The following SORCS3 variants were observed in gnomAD, a reference collection of about 807,000 sequenced individuals.
SORCS3 encodes sortilin related VPS10 domain containing receptor 3.
SORCS3 carries 57 observed loss-of-function variants against 146.3 expected under a neutral mutation model. The ratio of observed to expected loss-of-function variants is 0.39; its 90% CI spans 0.31 to 0.49. SORCS3 has a LOEUF of 0.49. Among genes scored for constraint, SORCS3 ranks in the 20% least tolerant of loss-of-function variants. The pLI is 0.92. For synonymous variants in SORCS3, 653 were observed against 618.5 expected, an observed-to-expected ratio of 1.06 and a Z score of -0.83; for missense variants, 1,341 against 1,575.5, an observed-to-expected ratio of 0.85 and a Z score of 2.52.
chr10:105,241,903 T>A (rs981219520), intron 20 of SORCS3, among the ~76,000 whole-genome samples: 5 of 151,964 alleles, frequency 3.3e-5, no homozygotes, highest in African/African-American at 1.2e-4. Context: ...TAGGAAAGGG[T>A]AGGTATATGT....
At chr10:105,104,713 T>C (rs910186522) in intron 6 of SORCS3, among the ~76,000 whole-genome samples, 1 of 152,248 alleles carries the variant, frequency 6.6e-6, no homozygotes, top group Non-Finnish European at 1.5e-5. Flanking sequence ...AATTTTCATA[T>C]GTATCCTTTA....
chr10:105,051,769 T>C (rs2055415096), intron 5 of SORCS3, among the ~76,000 whole-genome samples: 2 of 152,198 alleles, frequency 1.3e-5, no homozygotes, highest in African/African-American at 2.4e-5. Context: ...TTTAAGGCTA[T>C]TGCAAACCAG....
intron 5 of SORCS3, among the ~76,000 whole-genome samples, chr10:105,045,710 C>A (rs997540018): frequency 6.6e-6 from 1 of 152,124 alleles, no homozygotes. Context: ...CCTCTTTAAC[C>A]TATGGTTCCC....
intron 4 of SORCS3, among the ~76,000 whole-genome samples, chr10:104,987,992 G>A (rs541570982): frequency 1.3e-5 from 2 of 152,260 alleles, no homozygotes; most frequent in South Asian, 4.1e-4. Flanking sequence ...AGAGATACAT[G>A]TCCTGAAGTA....
intron 20 of SORCS3, among the ~76,000 whole-genome samples, chr10:105,237,017 A>G (rs1035283149): frequency 4.6e-5 from 7 of 152,278 alleles, no homozygotes; most frequent in South Asian, 2.1e-4. Flanking sequence ...TACTGGCATT[A>G]TAATTTTATG....
chr10:105,143,882 T>C (rs1286498804), intron 8 of SORCS3, among the ~76,000 whole-genome samples: 3 of 152,128 alleles, frequency 2.0e-5, no homozygotes, highest in Non-Finnish European at 4.4e-5. Context: ...ACCGGCTTCC[T>C]TGGTTCAGGC....
intron 1 of SORCS3, among the ~76,000 whole-genome samples, chr10:104,794,217 C>A (rs2017525806): frequency 6.6e-6 from 1 of 152,074 alleles, no homozygotes; most frequent in African/African-American, 2.4e-5. Context: ...GACTCTATAC[C>A]CGTATTTTTG....
intron 11 of SORCS3, among the ~76,000 whole-genome samples, chr10:105,163,193 T>C (rs958349871): frequency 2.0e-5 from 3 of 152,182 alleles, no homozygotes; most frequent in African/African-American, 7.2e-5. Context: ...CTGATGCTGA[T>C]GGAAGCTTGA....
chr10:104,867,782 A>G (rs1460484374), intron 2 of SORCS3, among the ~76,000 whole-genome samples: 2 of 152,216 alleles, frequency 1.3e-5, no homozygotes, highest in Non-Finnish European at 2.9e-5. Context: ...AAAGGCATGC[A>G]TGATCATCAG....
Position 104,831,930 on chromosome 10 carries a change from CTG to C in SORCS3, c.628-10858_628-10857del, listed in dbSNP as rs751713991. ...ACACATTCTGAGCCTTCTCTCATCTCTGTGTATGTGCACATAAAGCAGGCAAG... is the reference window on the plus strand; with the variant it reads ...ACACATTCTGAGCCTTCTCTCATCTCTGTATGTGCACATAAAGCAGGCAAG... On this transcript the variant is annotated intron_variant, in intron 1 of 26. Coordinates refer to ENST00000369701, the MANE Select transcript of SORCS3 (RefSeq NM_014978.3). Among the ~76,000 whole-genome samples, 23 of 152,298 alleles carry C rather than the reference CTG, an allele frequency of 1.5e-4. No homozygotes were observed. In the East Asian group the frequency reaches 3.7e-3, roughly 24 times the overall value.
At chr10:104,794,622 G>GGAGA (rs371695559) in intron 1 of SORCS3, among the ~76,000 whole-genome samples, 603 of 41,310 alleles carry the variant, frequency 0.015, 4 homozygotes, top group South Asian at 0.064. Flanking sequence ...AGAGAGGGAG[G>GGAGA]GAGAGAGAGA....
chr10:105,075,374 T>C (rs1368087686), intron 5 of SORCS3, among the ~76,000 whole-genome samples: 1 of 152,166 alleles, frequency 6.6e-6, no homozygotes, highest in East Asian at 1.9e-4. Flanking sequence ...CATTAGATAA[T>C]GTGAACATGC....
chr10:104,641,560 C>A lies in SORCS3; in HGVS notation c.233C>A (p.Ala78Asp), dbSNP rs1292102560. ...GAGGAGCTGGCGTCGGCGCGGAGAGCCGCCGTGCTGGGGCGCCGGGCCGGA... is the reference window on the plus strand; with the variant it reads ...GAGGAGCTGGCGTCGGCGCGGAGAGACGCCGTGCTGGGGCGCCGGGCCGGA... ...WPEELASARR[A>D]AVLGRRAGPE... The change falls in exon 1 of 27, where the codon GCC becomes GAC. Residue 78 changes from alanine (A) to aspartate (D), a missense_variant. Physicochemically the swap from Ala to Asp is moderately radical, Grantham distance 126. Transcript: ENST00000369701. This position sits in a 1 kb window ranked among gnomAD's most constrained non-coding sequence, Gnocchi z 6.4. The A allele has an allele frequency of 4.1e-6, 6 of 1,468,730 alleles. No homozygotes were observed. The highest frequency in any genetic ancestry group is 5.4e-6 in the Non-Finnish European group (6 of 1,120,434). 91.0% of individuals were successfully genotyped at this position (1,468,730 alleles called of 1,614,324 possible). A position where few individuals can be genotyped will look rare whatever the true frequency, so the allele number is the denominator to read the frequency against.
At position 104,844,219 on chromosome 10, in the gene SORCS3, A is replaced by C. The variant is rs192519392; in HGVS notation, c.695+1360A>C. On this transcript the variant is annotated intron_variant, in intron 2 of 26. Coordinates refer to ENST00000369701, the MANE Select transcript of SORCS3 (RefSeq NM_014978.3). ...GCCTCGAACAAATGAAAGCATGACT[A>C]TTTCCACTCACACGGTACTTTCCAG... Among the ~76,000 whole-genome samples the C allele has an allele frequency of 1.4e-4, 22 of 152,254 alleles. No homozygotes were observed. The East Asian group carries it at 1.7e-3, about 12-fold the overall frequency.
At chr10:105,043,524 T>C (rs2055351283) in intron 5 of SORCS3, among the ~76,000 whole-genome samples, 1 of 152,312 alleles carries the variant, frequency 6.6e-6, no homozygotes, top group Admixed American at 6.5e-5. Flanking sequence ...TTTCCCAAAA[T>C]GTACTCTGGA....
intron 4 of SORCS3, among the ~76,000 whole-genome samples, chr10:105,014,263 A>G (rs1437088685): frequency 6.6e-6 from 1 of 151,796 alleles, no homozygotes; most frequent in African/African-American, 2.4e-5. Flanking sequence ...ACAGATGTAA[A>G]AAGCAAAATT....
At chr10:104,795,968 CT>C (rs1444774324) in intron 1 of SORCS3, among the ~76,000 whole-genome samples, 1 of 152,208 alleles carries the variant, frequency 6.6e-6, no homozygotes, top group East Asian at 1.9e-4. Context: ...CATATGCCCC[CT>C]AGCAGAGCGC....
At chr10:105,259,534 C>T (rs2056948920) in intron 25 of SORCS3, among the ~76,000 whole-genome samples, 1 of 152,158 alleles carries the variant, frequency 6.6e-6, no homozygotes, top group African/African-American at 2.4e-5. Context: ...ATGAGTATCA[C>T]CTGGCCTCTC....
At chr10:105,224,583 G>A (rs760943563) in intron 20 of SORCS3, among the ~76,000 whole-genome samples, 7 of 152,076 alleles carry the variant, frequency 4.6e-5, no homozygotes, top group African/African-American at 1.4e-4. Context: ...ATAAGTTTTC[G>A]ACTACTTTGG....
Sources: gnomAD v4.1 joint callset for allele counts (sites outside exome capture counted in the v4.1 genomes callset) on GRCh38, gnomAD v4.1.1 for gene constraint, Gnocchi (gnomAD v3.1) non-coding constraint, MANE v1.5 for transcripts, NCBI Gene and HGNC (gene_info 2026-07-23, HGNC 2026-07-21) for gene names.